CHD7: variants seen among roughly 807,000 people sequenced by gnomAD.
CHD7 encodes the protein chromodomain helicase DNA binding protein 7, also known as ATP-dependent chromatin remodeler CHD7.
In CHD7, 24 loss-of-function variants were observed where a neutral mutation model predicts 307.3. The observed-to-expected ratio is 0.08, with a 90% CI of 0.06 to 0.11. The LOEUF is 0.11. Ranked by LOEUF, CHD7 falls within the 10% of genes least tolerant of loss-of-function variation. CHD7 has a pLI of 1.00. For missense variants in CHD7, 3,106 were observed against 3,727.1 expected, an observed-to-expected ratio of 0.83 and a Z score of 4.34; for synonymous variants, 1,363 against 1,349.9, an observed-to-expected ratio of 1.01 and a Z score of -0.21.
chr8:60,745,322 G>A (rs1809270455), intron 2 of CHD7, among the ~76,000 whole-genome samples: 1 of 152,182 alleles, frequency 6.6e-6, no homozygotes, highest in Admixed American at 6.5e-5. Flanking sequence ...AAGACACCCT[G>A]TGATTATAAT....
In CHD7 at chr8:60,816,440, G is replaced by T; in HGVS notation, c.2552G>T (p.Arg851Ile). 5 of 1,610,772 alleles carry T rather than the reference G, an allele frequency of 3.1e-6. No homozygotes were observed. The highest frequency in any genetic ancestry group is 4.2e-6 in the Non-Finnish European group (5 of 1,178,344). ...ASIEDLEKDK[R>I]IQQKIKRFKA... Reference sequence around the variant, plus strand: ...ATAGAAGATCTGGAAAAAGATAAGAGAATTCAGCAAAAAATTAAACGATTT... The same window carrying T: ...ATAGAAGATCTGGAAAAAGATAAGATAATTCAGCAAAAAATTAAACGATTT... Residue 851 changes from arginine (R) to isoleucine (I), a missense_variant, in exon 8 of 38, where the codon AGA (arginine) becomes ATA (isoleucine). Arg to Ile is a moderately conservative substitution (Grantham distance 97, BLOSUM62 -3). Around this residue, in one of 10 missense-constraint regions of CHD7, gnomAD observed 188 missense variants for 261.7 expected, o/e 0.72. Coordinates refer to ENST00000423902, the MANE Select transcript of CHD7 (RefSeq NM_017780.4).
intron 2 of CHD7, among the ~76,000 whole-genome samples, chr8:60,763,483 A>T (rs1810320869): frequency 6.6e-6 from 1 of 152,048 alleles, no homozygotes; most frequent in African/African-American, 2.4e-5. Flanking sequence ...GGGGAGTAGA[A>T]CTTTACAGGA....
intron 2 of CHD7, among the ~76,000 whole-genome samples, chr8:60,780,227 T>C (rs1230192778): frequency 6.6e-6 from 1 of 152,208 alleles, no homozygotes; most frequent in Non-Finnish European, 1.5e-5. Context: ...TAAATGTGGT[T>C]ATTTTTCTAC....
Position 60,867,510 on chromosome 8 carries a change from C to G in CHD7, c.*1577C>G, listed in dbSNP as rs886063052. ...TTTAAAGTAAAATATAATTTGAGAT[C>G]TACTGTTTTCACCTTTTTATGTCAC... On this transcript the variant is annotated 3_prime_UTR_variant, in exon 38 of 38. Transcript: ENST00000423902. The G allele has an allele frequency of 3.9e-5, 6 of 152,234 alleles. No individual in the cohort carries two copies. The highest frequency in any genetic ancestry group is 7.3e-5 in the Non-Finnish European group (5 of 68,050). 9.4% of individuals were successfully genotyped at this position (152,234 alleles called of 1,614,324 possible). A position where few individuals can be genotyped will look rare whatever the true frequency, so the allele number is the denominator to read the frequency against.
chr8:60,858,133 G>T (rs1403455570), intron 34 of CHD7, among the ~76,000 whole-genome samples: 3 of 152,344 alleles, frequency 2.0e-5, no homozygotes, highest in African/African-American at 7.2e-5. Flanking sequence ...GCACGTGTCT[G>T]TGATCCCAGC....
chr8:60,835,938 G>A (rs1804722904), intron 15 of CHD7, 135 bp from the exon 16 acceptor site: 1 of 661,348 alleles, frequency 1.5e-6, no homozygotes, highest in African/African-American at 1.8e-5. Flanking sequence ...TGAGTAAGTG[G>A]ATGGATTCTT....
intron 2 of CHD7, among the ~76,000 whole-genome samples, chr8:60,771,938 C>T (rs1017016449): frequency 1.3e-5 from 2 of 152,174 alleles, no homozygotes; most frequent in African/African-American, 4.8e-5. Flanking sequence ...CTTTAAGTAA[C>T]TCCAAACCAA....
chr8:60,859,349 A>G (rs573873947), intron 34 of CHD7, among the ~76,000 whole-genome samples: 3 of 152,250 alleles, frequency 2.0e-5, no homozygotes, highest in Non-Finnish European at 4.4e-5. Flanking sequence ...CTGTGCTGCC[A>G]TGAAAAAGTA....
chr8:60,741,523 G>C lies in CHD7; in HGVS notation c.91G>C (p.Glu31Gln). The change falls in exon 2 of 38, where the codon GAA (glutamate) becomes CAA (glutamine). Residue 31 changes from glutamate to glutamine, a missense_variant. By Grantham distance (29) the Glu-to-Gln change is conservative. This residue lies in a region of CHD7 where 998 missense variants were observed against 1,004.5 expected (regional missense o/e 0.99). Coordinates refer to ENST00000423902, the MANE Select transcript of CHD7 (RefSeq NM_017780.4). The stretch of plus-strand genomic sequence containing the variant: ...AGGCCTCGGAGAATGTGGTTACCCG[G>C]AAAATCCAGTAAATCCTATGGGTCA... The part of the protein sequence containing the change: ...LEGLGECGYP[E>Q]NPVNPMGQQM... 6.2e-7 allele frequency: 1 copy of C among 1,613,250 alleles called. No individual in the cohort carries two copies. The highest frequency in any genetic ancestry group is 8.5e-7 in the Non-Finnish European group (1 of 1,179,556).
In CHD7 at chr8:60,797,355, C is replaced by T. The variant is rs183381800; in HGVS notation, c.2238+2228C>T. On this transcript the variant is annotated intron_variant, in intron 4 of 37. Transcript: ENST00000423902. ...ACCTCGTATCCACTGCTAACTAACC[C>T]CATCACTATTGCACAGATTTATATC... Among the ~76,000 whole-genome samples, 9 of 152,276 alleles carry T rather than the reference C, an allele frequency of 5.9e-5. No individual in the cohort carries two copies. In the South Asian group the frequency reaches 6.2e-4, roughly 11 times the overall value.
intron 18 of CHD7, 115 bp downstream of exon 18, chr8:60,837,950 T>C: frequency 7.9e-7 from 1 of 1,266,288 alleles, no homozygotes; most frequent in East Asian, 2.6e-5. Flanking sequence ...TTTAAGTGTA[T>C]TTTGTAACAC....
In CHD7 at chr8:60,788,022, A is replaced by G. The variant is rs978982762; in HGVS notation, c.2096+6592A>G. Among the ~76,000 whole-genome samples the G allele has an allele frequency of 5.3e-5, 8 of 151,452 alleles. No homozygotes were observed. In the East Asian group the frequency reaches 1.5e-3, roughly 29 times the overall value. On this transcript the variant is annotated intron_variant, in intron 3 of 37. Coordinates refer to ENST00000423902, the MANE Select transcript of CHD7 (RefSeq NM_017780.4). ...TTTTTAGTAGAGTTGGGGTTTCACCATGTTGGCCAGGTTGGTCTCAAACGC... is the reference window on the plus strand; with the variant it reads ...TTTTTAGTAGAGTTGGGGTTTCACCGTGTTGGCCAGGTTGGTCTCAAACGC...
At chr8:60,681,635 G>A (rs1318771312) in intron 1 of CHD7, among the ~76,000 whole-genome samples, 3 of 152,180 alleles carry the variant, frequency 2.0e-5, no homozygotes. Flanking sequence ...TTCTTATTTT[G>A]CCCAATAGTG....
intron 2 of CHD7, among the ~76,000 whole-genome samples, chr8:60,758,750 G>A (rs1166079969): frequency 6.6e-6 from 1 of 152,160 alleles, no homozygotes. Flanking sequence ...AGTTGCGCGA[G>A]CGCTCTTCTT....
At position 60,849,035 on chromosome 8, in the gene CHD7, A is replaced by C. The variant is rs1469554903; in HGVS notation, c.5301-16A>C. On this transcript the variant is annotated splice_polypyrimidine_tract_variant and intron_variant, in intron 24 of 37. Coordinates refer to ENST00000423902, the MANE Select transcript of CHD7 (RefSeq NM_017780.4). ...CTTTTTTAATACTAATATTTCTTAT[A>C]AATGTTGTCTTTCAGTGAAGCCGAT... is the stretch of plus-strand genomic sequence containing the variant. 1 of 1,588,690 alleles carries C rather than the reference A, an allele frequency of 6.3e-7. No individual in the cohort carries two copies. The highest frequency in any genetic ancestry group is 2.2e-5 in the East Asian group (1 of 44,726).
chr8:60,755,177 A>T (rs1429540030), intron 2 of CHD7, among the ~76,000 whole-genome samples: 1 of 152,214 alleles, frequency 6.6e-6, no homozygotes, highest in East Asian at 1.9e-4. Context: ...CATAGGTTTT[A>T]AAGTGTGGAA....
intron 1 of CHD7, among the ~76,000 whole-genome samples, chr8:60,702,680 T>A (rs1251215768): frequency 1.3e-5 from 2 of 152,234 alleles, no homozygotes; most frequent in Non-Finnish European, 2.9e-5. Context: ...CATATATTCT[T>A]AGGGACCAAT....
intron 13 of CHD7, among the ~76,000 whole-genome samples, chr8:60,828,268 G>A (rs1804345967): frequency 6.6e-6 from 1 of 152,188 alleles, no homozygotes; most frequent in Non-Finnish European, 1.5e-5. Flanking sequence ...ATGGAGAGAT[G>A]AGAGCACTGT....
At chr8:60,720,175 AACTTC>A (rs1807826988) in intron 1 of CHD7, among the ~76,000 whole-genome samples, 1 of 152,160 alleles carries the variant, frequency 6.6e-6, no homozygotes, top group African/African-American at 2.4e-5. Context: ...TGTTCCATAT[AACTTC>A]ACTTATCTGT....
Sources: allele counts gnomAD v4.1 joint callset (sites outside exome capture counted in the v4.1 genomes callset), GRCh38; gene constraint gnomAD v4.1.1; regional missense constraint gnomAD v4.1.1; transcripts MANE v1.5; gene names NCBI Gene and HGNC (gene_info 2026-07-23, HGNC 2026-07-21).